The following FAM135B variants were observed in gnomAD, a reference collection of about 807,000 sequenced individuals.
FAM135B encodes family with sequence similarity 135 member B.
A neutral mutation model predicts 127.7 loss-of-function variants in FAM135B; 43 were observed. That is an observed-to-expected ratio of 0.34 (90% CI 0.26 to 0.43). FAM135B has a LOEUF of 0.43. Ranked by LOEUF, FAM135B falls within the 20% of genes least tolerant of loss-of-function variation. The probability of loss-of-function intolerance (pLI) is 1.00; values close to 1 mark genes in which losing one functional copy is unlikely to be tolerated. For synonymous variants in FAM135B, 670 were observed against 665.1 expected, an observed-to-expected ratio of 1.01 and a Z score of -0.11; for missense variants, 1,558 against 1,725.6, an observed-to-expected ratio of 0.90 and a Z score of 1.72.
intron 1 of FAM135B, among the ~76,000 whole-genome samples, chr8:138,474,057 T>C (rs776905270): frequency 1.3e-5 from 2 of 152,190 alleles, no homozygotes; most frequent in African/African-American, 2.4e-5. Context: ...GAACTTTAAA[T>C]AGATTCAGTG....
chr8:138,206,289 A>G (rs1291766013), intron 7 of FAM135B, among the ~76,000 whole-genome samples: 7 of 149,090 alleles, frequency 4.7e-5, no homozygotes, highest in South Asian at 2.1e-4. Flanking sequence ...ACCTACGCAC[A>G]GCTCTATCAT....
At chr8:138,398,575 C>T (rs1832972272) in intron 1 of FAM135B, among the ~76,000 whole-genome samples, 1 of 152,136 alleles carries the variant, frequency 6.6e-6, no homozygotes, top group Non-Finnish European at 1.5e-5. Context: ...GACCCAACCC[C>T]TGGGTGTGCA....
chr8:138,275,050 T>C (rs144834046), intron 3 of FAM135B, among the ~76,000 whole-genome samples: 5,300 of 152,236 alleles, frequency 0.035, 251 homozygotes, highest in African/African-American at 0.11. Flanking sequence ...AGGGTATTGA[T>C]TGGGGAAGTG....
chr8:138,399,316 G>T (rs1279824706), intron 1 of FAM135B, among the ~76,000 whole-genome samples: 2 of 152,202 alleles, frequency 1.3e-5, no homozygotes, highest in African/African-American at 4.8e-5. Context: ...TACAAATGAG[G>T]TGATCAAGGA....
At chr8:138,290,648 AT>A (rs1825039129) in intron 3 of FAM135B, among the ~76,000 whole-genome samples, 1 of 152,226 alleles carries the variant, frequency 6.6e-6, no homozygotes, top group African/African-American at 2.4e-5. Context: ...TTATTTTCTC[AT>A]TGTAGCAGTG....
chr8:138,458,614 G>A (rs1208812757), intron 1 of FAM135B, among the ~76,000 whole-genome samples: 3 of 152,120 alleles, frequency 2.0e-5, no homozygotes, highest in Admixed American at 6.6e-5. Context: ...TCTGGCCCAC[G>A]GTCTATTTGT....
Position 138,141,710 on chromosome 8 carries a change from C to T in FAM135B, c.3639-361G>A, listed in dbSNP as rs1359198901. ...CTCCTGGTCATTCACAGGATCAAGTCCCAAGTCCTTATCCTGCTTGGGAGG... is the reference window on the plus strand; with the variant it reads ...CTCCTGGTCATTCACAGGATCAAGTTCCAAGTCCTTATCCTGCTTGGGAGG... On this transcript the variant is annotated intron_variant, in intron 16 of 19. Transcript: ENST00000395297. This position sits in a 1 kb window ranked among gnomAD's most constrained non-coding sequence, Gnocchi z 4.7. 2.0e-5 allele frequency among the ~76,000 whole-genome samples: 3 copies of T among 152,160 alleles called. No homozygotes were observed. Among genetic ancestry groups the T allele is most frequent in the African/African-American group, 7.2e-5 (3 of 41,434 alleles).
chr8:138,369,652 C>T (rs145220685), intron 1 of FAM135B, among the ~76,000 whole-genome samples: 2 of 152,274 alleles, frequency 1.3e-5, no homozygotes, highest in African/African-American at 4.8e-5. Flanking sequence ...TGCACCCTGG[C>T]CCTGCCCAAC....
At chr8:138,161,858 C>T (rs1315257842) in intron 12 of FAM135B, among the ~76,000 whole-genome samples, 4 of 152,190 alleles carry the variant, frequency 2.6e-5, no homozygotes, top group Non-Finnish European at 4.4e-5. Flanking sequence ...TATTGCCATA[C>T]TATGATCTGT....
chr8:138,364,233 C>A (rs1830606609), intron 2 of FAM135B, among the ~76,000 whole-genome samples: 1 of 152,134 alleles, frequency 6.6e-6, no homozygotes, highest in Non-Finnish European at 1.5e-5. Context: ...AGCACTTGAG[C>A]ATCAGGGATC....
chr8:138,475,049 C>T (rs2131666261), intron 1 of FAM135B, among the ~76,000 whole-genome samples: 1 of 152,226 alleles, frequency 6.6e-6, no homozygotes, highest in South Asian at 2.1e-4. Context: ...AGTTTTGTAA[C>T]ATTTGCTGTT....
chr8:138,469,288 A>AGG (rs1837552894), intron 1 of FAM135B, among the ~76,000 whole-genome samples: 1 of 152,184 alleles, frequency 6.6e-6, no homozygotes. Context: ...AGTTCCTGGG[A>AGG]TTAAGGAACT....
chr8:138,241,269 T>A lies in FAM135B; in HGVS notation c.669+1673A>T, dbSNP rs1465777831. Among the ~76,000 whole-genome samples the A allele has an allele frequency of 6.6e-6, 1 of 152,148 alleles. No homozygotes were observed. Among genetic ancestry groups the A allele is most frequent in the South Asian group, 2.1e-4 (1 of 4,830 alleles). The stretch of plus-strand genomic sequence containing the variant: ...CACTTCCTATGTGCTGGGCCCTGCG[T>A]CAGTGCTAAGGACGTCAGGTTCTGA... On this transcript the variant is annotated intron_variant, in intron 7 of 19. Coordinates refer to ENST00000395297, the MANE Select transcript of FAM135B (RefSeq NM_015912.4). The surrounding 1 kb of genome is among the most constrained non-coding windows in gnomAD (Gnocchi z 4.8).
At chr8:138,191,986 G>A (rs115972885) in intron 9 of FAM135B, among the ~76,000 whole-genome samples, 2,273 of 152,320 alleles carry the variant, frequency 0.015, 46 homozygotes, top group African/African-American at 0.048. Context: ...CAGCGTCACA[G>A]GGACCAGCAG....
chr8:138,176,970 T>A (rs764595354), intron 11 of FAM135B, among the ~76,000 whole-genome samples: 150 of 152,308 alleles, frequency 9.8e-4, no homozygotes, highest in Non-Finnish European at 2.6e-4. Flanking sequence ...CTGAATGCAT[T>A]TCATAGCTAC....
Position 138,229,026 on chromosome 8 carries a change from T to C in FAM135B, c.669+13916A>G, listed in dbSNP as rs977072913. ...CTCCTGCGAAGCGCCCGTGTTTCCC[T>C]ATATGAACACTCACACGTGTGTGTG... is the stretch of plus-strand genomic sequence containing the variant. On this transcript the variant is annotated intron_variant, in intron 7 of 19. Coordinates refer to ENST00000395297, the MANE Select transcript of FAM135B (RefSeq NM_015912.4). Among the ~76,000 whole-genome samples the C allele has an allele frequency of 4.8e-5, 7 of 146,148 alleles. 1 individual carries two copies. The highest frequency in any genetic ancestry group is 1.3e-4 in the African/African-American group (5 of 38,152).
chr8:138,460,208 G>A (rs1364181344), intron 1 of FAM135B, among the ~76,000 whole-genome samples: 3 of 152,188 alleles, frequency 2.0e-5, no homozygotes, highest in African/African-American at 7.2e-5. Context: ...TTTTGCAGAT[G>A]AGGACGCTGA....
intron 7 of FAM135B, among the ~76,000 whole-genome samples, chr8:138,225,738 T>A (rs1275194566): frequency 2.0e-5 from 3 of 152,098 alleles, no homozygotes; most frequent in Non-Finnish European, 4.4e-5. Flanking sequence ...TACTAATAAT[T>A]GGGTTAAACT....
rs544938266 is a variant in FAM135B, at chr8:138,438,466, A to G, written c.-20+58205T>C. 2.6e-5 allele frequency: 4 copies of G among 152,338 alleles called. No individual in the cohort carries two copies. In the South Asian group the frequency reaches 8.3e-4, roughly 32 times the overall value. 9.4% of individuals were successfully genotyped at this position (152,338 alleles called of 1,614,324 possible). On this transcript the variant is annotated intron_variant, in intron 1 of 19. Transcript: ENST00000395297. ...TGCTACATCTACAAATCAAATTTGA[A>G]TTGCACTTCTGAGCTCTATCAAAGA...
Sources: allele counts gnomAD v4.1 joint callset (sites outside exome capture counted in the v4.1 genomes callset), GRCh38; gene constraint gnomAD v4.1.1; non-coding constraint Gnocchi (gnomAD v3.1); transcripts MANE v1.5; gene names NCBI Gene and HGNC (gene_info 2026-07-23, HGNC 2026-07-21).